The following FNDC3A variants were observed in gnomAD, a reference collection of about 807,000 sequenced individuals.
FNDC3A encodes the protein fibronectin type-III domain-containing protein 3A.
FNDC3A carries 32 observed loss-of-function variants against 148.9 expected under a neutral mutation model. The ratio of observed to expected loss-of-function variants is 0.21; its 90% CI spans 0.16 to 0.29. FNDC3A has a LOEUF of 0.29. Ranked by LOEUF, FNDC3A falls within the 10% of genes least tolerant of loss-of-function variation. The pLI, the probability that FNDC3A is intolerant of heterozygous loss-of-function variation, is 1.00. For missense variants in FNDC3A, 1,191 were observed against 1,452.8 expected (o/e 0.82, Z 2.93); for synonymous variants, 472 against 473.6 (o/e 1.00, Z 0.04).
Position 49,075,354 on chromosome 13 carries a change from G to T in FNDC3A, c.165G>T (p.Gln55His). 1 of 1,584,136 alleles carries T rather than the reference G, an allele frequency of 6.3e-7. No homozygotes were observed. The highest frequency in any genetic ancestry group is 1.1e-5 in the South Asian group (1 of 89,836). Residue 55 changes from glutamine to histidine, a missense_variant, in exon 3 of 26, where the codon CAG becomes CAT. This residue lies in a region of FNDC3A where 426 missense variants were observed against 473.2 expected (regional missense o/e 0.90). Coordinates refer to ENST00000492622, the MANE Select transcript of FNDC3A (RefSeq NM_001079673.2). ...TAAGAAGAGAAGATGGACAGTTTCA[G>T]TGCATTACAGGTAAGAATGGTAATT... Reference protein sequence around the residue: ...FTIRREDGQFQCITGPAQVPM... With the variant: ...FTIRREDGQFHCITGPAQVPM...
intron 3 of FNDC3A, among the ~76,000 whole-genome samples, chr13:49,110,942 C>T (rs1276112664): frequency 6.6e-6 from 1 of 152,160 alleles, no homozygotes; most frequent in Non-Finnish European, 1.5e-5. Flanking sequence ...ATTGTTTACT[C>T]TTCTGCAGGT....
At chr13:49,182,673 G>A (rs754363034) in intron 14 of FNDC3A, among the ~76,000 whole-genome samples, 1 of 151,858 alleles carries the variant, frequency 6.6e-6, no homozygotes, top group Non-Finnish European at 1.5e-5. Flanking sequence ...CTTTTTATAG[G>A]TAAAGAGAAA....
At chr13:48,987,015 G>A (rs1951820376) in intron 1 of FNDC3A, among the ~76,000 whole-genome samples, 1 of 152,174 alleles carries the variant, frequency 6.6e-6, no homozygotes, top group South Asian at 2.1e-4. Flanking sequence ...ACTGTGGCCA[G>A]AAAATATTCA....
intron 9 of FNDC3A, among the ~76,000 whole-genome samples, chr13:49,168,136 AAG>A (rs956738163): frequency 4.6e-5 from 7 of 152,168 alleles, no homozygotes; most frequent in African/African-American, 1.7e-4. Context: ...CATTTTTAAA[AAG>A]AGCACATGTG....
At chr13:49,064,347 A>C (rs190007485) in intron 2 of FNDC3A, among the ~76,000 whole-genome samples, 79 of 152,188 alleles carry the variant, frequency 5.2e-4, no homozygotes, top group African/African-American at 1.8e-3. Context: ...TCTCAAAAAA[A>C]AAGTAGTCTG....
intron 2 of FNDC3A, among the ~76,000 whole-genome samples, chr13:49,053,978 G>A (rs1337678161): frequency 6.6e-6 from 1 of 152,192 alleles, no homozygotes; most frequent in African/African-American, 2.4e-5. Flanking sequence ...TGCTACACTA[G>A]AGTCAGGTTG....
intron 14 of FNDC3A, among the ~76,000 whole-genome samples, chr13:49,182,564 C>T (rs1885360367): frequency 6.6e-6 from 1 of 150,792 alleles, no homozygotes; most frequent in Non-Finnish European, 1.5e-5. Context: ...TTTTTCCAGT[C>T]CCCACTTTGG....
intron 3 of FNDC3A, chr13:49,110,334 G>A (rs1880478926): frequency 6.3e-7 from 1 of 1,580,298 alleles, no homozygotes; most frequent in Non-Finnish European, 8.6e-7. Context: ...AATTAAAGCT[G>A]TTAACGTGTA....
chr13:49,087,744 C>T (rs1187211142), intron 3 of FNDC3A, among the ~76,000 whole-genome samples: 1 of 151,912 alleles, frequency 6.6e-6, no homozygotes, highest in African/African-American at 2.4e-5. Context: ...TAAAAGCTGC[C>T]TTTTGAATAT....
At chr13:49,190,234 T>A (rs1017628886) in intron 17 of FNDC3A, among the ~76,000 whole-genome samples, 1 of 152,186 alleles carries the variant, frequency 6.6e-6, no homozygotes, top group African/African-American at 2.4e-5. Flanking sequence ...AAAGGCTTTT[T>A]AAAATATAAA....
intron 3 of FNDC3A, among the ~76,000 whole-genome samples, chr13:49,079,685 A>T (rs1194474295): frequency 1.3e-5 from 2 of 152,226 alleles, no homozygotes; most frequent in Non-Finnish European, 2.9e-5. Context: ...ATGTTCAATA[A>T]AATAATAACA....
At chr13:49,120,667 C>CA (rs1197034932) in intron 4 of FNDC3A, among the ~76,000 whole-genome samples, 2,364 of 95,124 alleles carry the variant, frequency 0.025, 52 homozygotes, top group African/African-American at 0.079. Flanking sequence ...AAATGGAAAG[C>CA]AAAAAAAAAA....
chr13:49,100,094 C>G (rs1879769560), intron 3 of FNDC3A, among the ~76,000 whole-genome samples: 1 of 151,972 alleles, frequency 6.6e-6, no homozygotes, highest in African/African-American at 2.4e-5. Flanking sequence ...TACATATATA[C>G]TAAGAATAAT....
intron 2 of FNDC3A, among the ~76,000 whole-genome samples, chr13:49,015,172 C>G (rs1039450301): frequency 6.6e-5 from 10 of 152,226 alleles, no homozygotes; most frequent in Admixed American, 2.0e-4. Context: ...GGCATTGAAT[C>G]TGTAAATTAC....
intron 24 of FNDC3A, among the ~76,000 whole-genome samples, chr13:49,202,639 T>A (rs1388683769): frequency 6.6e-6 from 1 of 152,204 alleles, no homozygotes; most frequent in Non-Finnish European, 1.5e-5. Context: ...GTCTTTCTAA[T>A]AATATTGAGT....
At chr13:48,978,132 T>C (rs529612122) in intron 1 of FNDC3A, among the ~76,000 whole-genome samples, 19 of 152,174 alleles carry the variant, frequency 1.2e-4, no homozygotes, top group African/African-American at 3.9e-4. Flanking sequence ...ACTTCCTCTA[T>C]CTGTGTGAGT....
intron 12 of FNDC3A, 53 bp downstream of exon 12, chr13:49,174,612 G>A (rs1010422653): frequency 7.8e-5 from 114 of 1,462,980 alleles, no homozygotes; most frequent in African/African-American, 5.1e-4. Context: ...TCAAGTCAAC[G>A]TCAATTGTAT....
At chr13:49,049,865 A>G (rs956680116) in intron 2 of FNDC3A, among the ~76,000 whole-genome samples, 21 of 152,012 alleles carry the variant, frequency 1.4e-4, no homozygotes, top group African/African-American at 4.4e-4. Flanking sequence ...GTTTACAGGC[A>G]TGTGCCACTA....
At chr13:49,179,098 T>A (rs1254600011) in intron 14 of FNDC3A, among the ~76,000 whole-genome samples, 1 of 152,232 alleles carries the variant, frequency 6.6e-6, no homozygotes, top group South Asian at 2.1e-4. Flanking sequence ...AATGTTGACC[T>A]TTTCTAGTGA....
Sources: gnomAD v4.1 joint callset for allele counts (sites outside exome capture counted in the v4.1 genomes callset) on GRCh38, gnomAD v4.1.1 for gene constraint, gnomAD v4.1.1 regional missense constraint, MANE v1.5 for transcripts, NCBI Gene and HGNC (gene_info 2026-07-23, HGNC 2026-07-21) for gene names.